Variants in REC114 observed in about 807,000 individuals in gnomAD.
REC114 encodes meiotic recombination protein REC114.
REC114 carries 27 observed loss-of-function variants against 31.3 expected under a neutral mutation model. The observed-to-expected ratio is 0.86, with a 90% CI of 0.64 to 1.19. REC114 has a LOEUF of 1.19. Among genes scored for constraint, REC114 ranks in the 50% most tolerant of loss-of-function variants. The probability of loss-of-function intolerance (pLI) is 0.00; values close to 1 mark genes in which losing one functional copy is unlikely to be tolerated. For synonymous variants in REC114, 134 were observed against 127.7 expected (o/e 1.05, Z -0.33); for missense variants, 344 against 326.9 (o/e 1.05, Z -0.40).
At chr15:73,445,071 C>T (rs900607157) in intron 1 of REC114, among the ~76,000 whole-genome samples, 2 of 152,140 alleles carry the variant, frequency 1.3e-5, no homozygotes, top group Non-Finnish European at 2.9e-5. Context: ...ATCATCCAGG[C>T]TTTGTTGTTC....
chr15:73,536,780 A>G (rs1041245174), intron 2 of REC114, among the ~76,000 whole-genome samples: 3 of 152,254 alleles, frequency 2.0e-5, no homozygotes, highest in African/African-American at 4.8e-5. Flanking sequence ...AAGATGTTCT[A>G]TATCATTGGA....
Position 73,473,915 on chromosome 15 carries a change from A to C in REC114, c.243A>C (p.Thr81=), listed in dbSNP as rs753421333. The C allele has an allele frequency of 6.4e-7, 1 of 1,566,704 alleles. No individual in the cohort carries two copies. Among genetic ancestry groups the C allele is most frequent in the African/African-American group, 1.3e-5 (1 of 74,330 alleles). The part of the protein sequence containing the change: ...SGHFFIFQGQ[T]LLEGFSLIGS... Reference sequence around the variant, plus strand: ...ATTTCTTCATTTTCCAAGGACAGACACTACTGGTAGGTTTTATGCATAACA... The same window carrying C: ...ATTTCTTCATTTTCCAAGGACAGACCCTACTGGTAGGTTTTATGCATAACA... Residue 81 remains threonine (T), a synonymous_variant, in exon 2 of 6, where the codon ACA becomes ACC. Transcript: ENST00000331090.
At chr15:73,471,658 T>C (rs1216149742) in intron 1 of REC114, among the ~76,000 whole-genome samples, 1 of 151,792 alleles carries the variant, frequency 6.6e-6, no homozygotes, top group Non-Finnish European at 1.5e-5. Flanking sequence ...GAAAAAAAAA[T>C]AATTTGGGAA....
chr15:73,556,259 T>G, intron 4 of REC114, 43 bp from the exon 5 acceptor site: 1 of 1,530,784 alleles, frequency 6.5e-7, no homozygotes, highest in Non-Finnish European at 9.0e-7. Flanking sequence ...GTATTTAAGA[T>G]TACATTCAGC....
At chr15:73,498,713 G>T (rs528559846) in intron 2 of REC114, among the ~76,000 whole-genome samples, 1 of 152,192 alleles carries the variant, frequency 6.6e-6, no homozygotes, top group South Asian at 2.1e-4. Context: ...CAGAATTAAA[G>T]AATAAGATCA....
At chr15:73,519,076 C>CA (rs1479608693) in intron 2 of REC114, among the ~76,000 whole-genome samples, 2 of 152,190 alleles carry the variant, frequency 1.3e-5, no homozygotes, top group Non-Finnish European at 2.9e-5. Flanking sequence ...AAACAACAAA[C>CA]AAGCGAAACA....
chr15:73,515,829 G>C (rs932057394), intron 2 of REC114, among the ~76,000 whole-genome samples: 12 of 152,152 alleles, frequency 7.9e-5, no homozygotes, highest in African/African-American at 2.4e-4. Flanking sequence ...AAGCCACCCT[G>C]TCTCTGGTAT....
intron 2 of REC114, among the ~76,000 whole-genome samples, chr15:73,524,834 A>G (rs925235028): frequency 6.6e-6 from 1 of 152,176 alleles, no homozygotes; most frequent in African/African-American, 2.4e-5. Context: ...CCTGGCTTCA[A>G]TTGATCTGCC....
In REC114 at chr15:73,443,338, A is replaced by T; in HGVS notation, c.153A>T (p.Thr51=). The T allele has an allele frequency of 2.5e-6, 4 of 1,573,122 alleles. No individual in the cohort carries two copies. The highest frequency in any genetic ancestry group is 3.4e-6 in the Non-Finnish European group (4 of 1,160,664). Residue 51 remains threonine (T), a synonymous_variant, in exon 1 of 6, where the codon ACA becomes ACT. Transcript: ENST00000331090. ...CLEAGTAPCP[T]WKVFDSNEES... ...AAGCTGGGACAGCCCCCTGCCCCAC[A>T]TGGAAGGTGAGGCCCGAAGGCAGGA...
At chr15:73,472,120 T>A (rs996845375) in intron 1 of REC114, among the ~76,000 whole-genome samples, 1 of 152,246 alleles carries the variant, frequency 6.6e-6, no homozygotes, top group South Asian at 2.1e-4. Context: ...ATGTTACATT[T>A]CTTAAAACAA....
Position 73,545,364 on chromosome 15 carries a change from G to T in REC114, c.333+4796G>T, listed in dbSNP as rs567971358. On this transcript the variant is annotated intron_variant, in intron 3 of 5. Transcript: ENST00000331090. The stretch of plus-strand genomic sequence containing the variant: ...GAAGCTCTTTCTGACTTTTAATTAT[G>T]GCATAAAAATAAATCTCATCAAGAC... Among the ~76,000 whole-genome samples, 4 of 152,182 alleles carry T rather than the reference G, an allele frequency of 2.6e-5. 1 individual carries two copies. In the South Asian group the frequency reaches 8.3e-4, roughly 32 times the overall value.
chr15:73,517,809 G>C (rs190266096), intron 2 of REC114, among the ~76,000 whole-genome samples: 1 of 152,322 alleles, frequency 6.6e-6, no homozygotes, highest in African/African-American at 2.4e-5. Context: ...GGGACTCACA[G>C]ATATTTAAAT....
At chr15:73,475,588 T>C (rs546153313) in intron 2 of REC114, among the ~76,000 whole-genome samples, 4 of 152,238 alleles carry the variant, frequency 2.6e-5, no homozygotes, top group African/African-American at 7.2e-5. Context: ...TTTAAGTTAT[T>C]GTAAAACAGT....
At chr15:73,474,037 C>T (rs1430658294) in intron 2 of REC114, 116 bp downstream of exon 2, 4 of 700,912 alleles carry the variant, frequency 5.7e-6, no homozygotes, top group South Asian at 3.4e-5. Context: ...AAGGTCAACA[C>T]ATTAAGCATT....
At chr15:73,445,575 T>C (rs1171176514) in intron 1 of REC114, among the ~76,000 whole-genome samples, 1 of 152,224 alleles carries the variant, frequency 6.6e-6, no homozygotes, top group African/African-American at 2.4e-5. Context: ...TAGCTTTTCA[T>C]TTAAAATGAG....
intron 2 of REC114, among the ~76,000 whole-genome samples, chr15:73,505,692 C>T (rs530706317): frequency 4.1e-4 from 62 of 152,196 alleles, no homozygotes; most frequent in African/African-American, 1.4e-3. Flanking sequence ...CCACCATGCC[C>T]GGCTAATTTT....
At chr15:73,481,650 C>CTTTTTTT (rs530704232) in intron 2 of REC114, among the ~76,000 whole-genome samples, 2 of 114,072 alleles carry the variant, frequency 1.8e-5, no homozygotes, top group East Asian at 2.5e-4. Flanking sequence ...TCTTAACTCC[C>CTTTTTTT]TTTTTTTTTT....
At chr15:73,468,577 T>TA (rs895131428) in intron 1 of REC114, among the ~76,000 whole-genome samples, 1 of 152,118 alleles carries the variant, frequency 6.6e-6, no homozygotes, top group Non-Finnish European at 1.5e-5. Flanking sequence ...ATTACAGTGG[T>TA]AAGAACTTGC....
intron 4 of REC114, among the ~76,000 whole-genome samples, chr15:73,554,890 T>C (rs1001778816): frequency 6.6e-6 from 1 of 152,246 alleles, no homozygotes; most frequent in South Asian, 2.1e-4. Flanking sequence ...GAAAGCATCA[T>C]ATGTCATAGC....
Sources: gnomAD v4.1 joint callset for allele counts (sites outside exome capture counted in the v4.1 genomes callset) on GRCh38, gnomAD v4.1.1 for gene constraint, MANE v1.5 for transcripts, NCBI Gene and HGNC (gene_info 2026-07-23, HGNC 2026-07-21) for gene names.